SLC35D4: variants seen among roughly 807,000 people sequenced by gnomAD.
SLC35D4 encodes the protein solute carrier family 35 member D4, also known as UDP-N-acetylglucosamine transporter SLC35D4.
the SLC35D4 span, among the ~76,000 whole-genome samples, chr18:23,313,815 C>T: frequency 6.6e-6 from 1 of 152,170 alleles, no homozygotes. Context: ...GCCACACAGT[C>T]CACTGAGTGG....
chr18:23,399,594 T>C, the SLC35D4 span: 25 of 1,613,798 alleles, frequency 1.5e-5, no homozygotes, highest in Non-Finnish European at 2.1e-5. Flanking sequence ...GGACCCAGCA[T>C]AGATTATACC....
At chr18:23,391,232 AAAAG>A in the SLC35D4 span, among the ~76,000 whole-genome samples, 2 of 151,772 alleles carry the variant, frequency 1.3e-5, no homozygotes, top group South Asian at 2.1e-4. Flanking sequence ...GAAAAAAAAA[AAAAG>A]AAAGAAAAGA....
At chr18:23,257,666 C>T in the SLC35D4 span, 7 of 284,046 alleles carry the variant, frequency 2.5e-5, no homozygotes, top group African/African-American at 6.6e-5. Flanking sequence ...TCTTTCTCCC[C>T]GGCATTCACA....
At chr18:23,356,876 A>G in the SLC35D4 span, among the ~76,000 whole-genome samples, 1 of 152,206 alleles carries the variant, frequency 6.6e-6, no homozygotes, top group Non-Finnish European at 1.5e-5. The surrounding 1 kb of genome is among the most constrained non-coding windows in gnomAD (Gnocchi z 4.1). Context: ...CCATTTAGTG[A>G]GAGCATGCCT....
At chr18:23,363,100 C>T in the SLC35D4 span, among the ~76,000 whole-genome samples, 1 of 151,624 alleles carries the variant, frequency 6.6e-6, no homozygotes, top group Non-Finnish European at 1.5e-5. Flanking sequence ...CAAAAATTAG[C>T]TGGGCATGGT....
chr18:23,365,851 G>C, the SLC35D4 span, among the ~76,000 whole-genome samples: 3 of 152,134 alleles, frequency 2.0e-5, no homozygotes, highest in Non-Finnish European at 4.4e-5. Flanking sequence ...TCATGTTTTG[G>C]CAAGAAGATT....
At chr18:23,429,345 C>G in the SLC35D4 span, among the ~76,000 whole-genome samples, 1 of 152,058 alleles carries the variant, frequency 6.6e-6, no homozygotes, top group Admixed American at 6.6e-5. Flanking sequence ...TCCAAAACTT[C>G]GCCAACATGT....
At chr18:23,281,024 A>C in the SLC35D4 span, among the ~76,000 whole-genome samples, 2 of 151,604 alleles carry the variant, frequency 1.3e-5, no homozygotes, top group Middle Eastern at 3.4e-3. Flanking sequence ...TCAGCCTAAC[A>C]CAAAAGCCCA....
At chr18:23,425,053 A>C in the SLC35D4 span, among the ~76,000 whole-genome samples, 1 of 152,176 alleles carries the variant, frequency 6.6e-6, no homozygotes, top group Non-Finnish European at 1.5e-5. Context: ...TAACATCAAA[A>C]TTGACAAATA....
the SLC35D4 span, among the ~76,000 whole-genome samples, chr18:23,333,065 G>GA: frequency 6.6e-6 from 1 of 150,930 alleles, no homozygotes; most frequent in African/African-American, 2.4e-5. Context: ...AAAGCAATAT[G>GA]AAAAAAAAAT....
the SLC35D4 span, among the ~76,000 whole-genome samples, chr18:23,261,562 G>A: frequency 2.0e-5 from 3 of 152,166 alleles, no homozygotes. Context: ...GGTCAAGGCT[G>A]CAGTGATCAC....
chr18:23,318,200 C>T, the SLC35D4 span, among the ~76,000 whole-genome samples: 1 of 152,182 alleles, frequency 6.6e-6, no homozygotes, highest in East Asian at 1.9e-4. Context: ...TGACACTAAG[C>T]ATCTTTTTCC....
At chr18:23,424,136 C>A in the SLC35D4 span, among the ~76,000 whole-genome samples, 28 of 151,804 alleles carry the variant, frequency 1.8e-4, no homozygotes, top group Admixed American at 1.8e-3. Context: ...CAGAAAGGGG[C>A]AAGATGGATG....
the SLC35D4 span, among the ~76,000 whole-genome samples, chr18:23,250,273 C>T: frequency 6.6e-6 from 1 of 152,200 alleles, no homozygotes; most frequent in Admixed American, 6.5e-5. Context: ...TCATTGCAAA[C>T]CTCATGACTT....
At chr18:23,276,847 C>T in the SLC35D4 span, among the ~76,000 whole-genome samples, 44 of 152,280 alleles carry the variant, frequency 2.9e-4, no homozygotes, top group African/African-American at 1.0e-3. Flanking sequence ...CTGTCCCTCA[C>T]TCATGCTACA....
the SLC35D4 span, among the ~76,000 whole-genome samples, chr18:23,367,741 G>A: frequency 2.6e-5 from 4 of 150,980 alleles, no homozygotes; most frequent in Admixed American, 1.3e-4. Flanking sequence ...GAAGAAAAAC[G>A]TAACTTGAAG....
chr18:23,335,255 T>C, the SLC35D4 span, among the ~76,000 whole-genome samples: 1 of 152,256 alleles, frequency 6.6e-6, no homozygotes, highest in Non-Finnish European at 1.5e-5. Flanking sequence ...AAATATCTGC[T>C]AAAATTCTTC....
the SLC35D4 span, among the ~76,000 whole-genome samples, chr18:23,321,412 C>T: frequency 1.3e-5 from 2 of 152,056 alleles, no homozygotes; most frequent in African/African-American, 4.8e-5. Flanking sequence ...GCTCAGCCAA[C>T]CACTATTTCC....
At chr18:23,404,258 T>C in the SLC35D4 span, among the ~76,000 whole-genome samples, 1 of 152,240 alleles carries the variant, frequency 6.6e-6, no homozygotes, top group Non-Finnish European at 1.5e-5. Flanking sequence ...TGAATCTGCG[T>C]CCCCTCAAAA....
Sources: allele counts gnomAD v4.1 joint callset (sites outside exome capture counted in the v4.1 genomes callset), GRCh38; gene constraint gnomAD v4.1.1; non-coding constraint Gnocchi (gnomAD v3.1); transcripts MANE v1.5; gene names NCBI Gene and HGNC (gene_info 2026-07-23, HGNC 2026-07-21).